The following KCNH7 variants were observed in gnomAD, a reference collection of about 807,000 sequenced individuals.
KCNH7 encodes the protein potassium voltage-gated channel subfamily H member 7.
In KCNH7, 49 loss-of-function variants were observed where a neutral mutation model predicts 120.8. That is an observed-to-expected ratio of 0.41 (90% CI 0.32 to 0.51). The LOEUF (loss-of-function observed/expected upper bound fraction) is 0.51. KCNH7 is among the 20% of genes least tolerant of loss of function. The pLI is 0.38. For missense variants in KCNH7, 1,097 were observed against 1,446.6 expected, an observed-to-expected ratio of 0.76 and a Z score of 3.92; for synonymous variants, 547 against 516.1, an observed-to-expected ratio of 1.06 and a Z score of -0.81.
chr2:162,495,937 A>T (rs564295884), intron 6 of KCNH7, among the ~76,000 whole-genome samples: 63 of 152,326 alleles, frequency 4.1e-4, no homozygotes, highest in African/African-American at 1.4e-3. Flanking sequence ...GCCACCAGTT[A>T]TCTGGGCATG....
chr2:162,611,154 G>A (rs1172460079), intron 2 of KCNH7, among the ~76,000 whole-genome samples: 2 of 152,114 alleles, frequency 1.3e-5, no homozygotes, highest in African/African-American at 4.8e-5. Flanking sequence ...AGAGCCAGGG[G>A]GCCCACCGTG....
intron 2 of KCNH7, among the ~76,000 whole-genome samples, chr2:162,571,608 A>C (rs1693477889): frequency 1.3e-5 from 2 of 149,278 alleles, no homozygotes; most frequent in Admixed American, 6.7e-5. Context: ...AGCCAAAAGA[A>C]CAAAGCTGGA....
In KCNH7 at chr2:162,381,356, T is replaced by C. The variant is rs75234768; in HGVS notation, c.2963-1335A>G. 3.8e-3 allele frequency among the ~76,000 whole-genome samples: 580 copies of C among 152,214 alleles called. 19 individuals are homozygous for C. In the East Asian group the frequency reaches 0.1, roughly 26 times the overall value. On this transcript the variant is annotated intron_variant, in intron 13 of 15. Transcript: ENST00000332142. ...GCAGGATTAGCTATGATTTTAGAAA[T>C]AGGAAACAACACCATTGGACTCCTC...
chr2:162,707,286 G>C (rs1338530887), intron 2 of KCNH7, among the ~76,000 whole-genome samples: 2 of 151,896 alleles, frequency 1.3e-5, no homozygotes, highest in Non-Finnish European at 2.9e-5. Flanking sequence ...TTAATAAAAG[G>C]TAAAAAGAAC....
intron 2 of KCNH7, among the ~76,000 whole-genome samples, chr2:162,676,690 C>T (rs1487400851): frequency 6.6e-6 from 1 of 151,420 alleles, no homozygotes; most frequent in African/African-American, 2.4e-5. Flanking sequence ...CTAAATGGTG[C>T]AAACAGAAGT....
intron 8 of KCNH7, among the ~76,000 whole-genome samples, chr2:162,430,634 A>G (rs1258241055): frequency 1.3e-5 from 2 of 151,978 alleles, no homozygotes; most frequent in Non-Finnish European, 2.9e-5. Flanking sequence ...TTAATTTTCC[A>G]GTGCCTGAAA....
rs536585757 is a variant in KCNH7 at position 162,628,681 on chromosome 2, A to C, written c.308-91601T>G. Among the ~76,000 whole-genome samples, 3 of 152,046 alleles carry C rather than the reference A, an allele frequency of 2.0e-5. No homozygotes were observed. In the East Asian group the frequency reaches 5.8e-4, roughly 30 times the overall value. On this transcript the variant is annotated intron_variant, in intron 2 of 15. Transcript: ENST00000332142. The stretch of plus-strand genomic sequence containing the variant: ...ATCATTTAGCTCCCACTTATACGTA[A>C]GAACATGCAGTATTTGTTTTTTTTG...
At chr2:162,572,812 CCG>C (rs1345207026) in intron 2 of KCNH7, among the ~76,000 whole-genome samples, 25 of 150,162 alleles carry the variant, frequency 1.7e-4, no homozygotes, top group African/African-American at 5.7e-4. Context: ...AAACCAAACA[CCG>C]CATATTCTCA....
intron 6 of KCNH7, among the ~76,000 whole-genome samples, chr2:162,494,357 C>G (rs889399721): frequency 1.3e-5 from 2 of 152,068 alleles, no homozygotes; most frequent in Non-Finnish European, 2.9e-5. Flanking sequence ...CAAAATCAAA[C>G]TTCAGTTTCA....
At chr2:162,782,081 G>T (rs1574382824) in intron 2 of KCNH7, among the ~76,000 whole-genome samples, 1 of 152,270 alleles carries the variant, frequency 6.6e-6, no homozygotes, top group East Asian at 1.9e-4. Flanking sequence ...TAGATCAAAT[G>T]ATTTTGTAAC....
chr2:162,567,564 A>G (rs996286482), intron 2 of KCNH7, among the ~76,000 whole-genome samples: 8 of 152,140 alleles, frequency 5.3e-5, no homozygotes, highest in African/African-American at 1.9e-4. Context: ...ATGGCAGGAA[A>G]TGATATAAAA....
intron 2 of KCNH7, among the ~76,000 whole-genome samples, chr2:162,541,095 T>G (rs1413189770): frequency 6.6e-6 from 1 of 152,128 alleles, no homozygotes; most frequent in Non-Finnish European, 1.5e-5. Flanking sequence ...TGGGATTGTG[T>G]AAATCCACAT....
rs200442592 is a variant in KCNH7 at position 162,533,870 on chromosome 2, CT to C, written c.463+3054del. ...TGTAGCTTGATATTCTGTAATATCA[CT>C]TTTTTTTCATATTCACATGACATAC... is the stretch of plus-strand genomic sequence containing the variant. On this transcript the variant is annotated intron_variant, in intron 3 of 15. Coordinates refer to ENST00000332142, the MANE Select transcript of KCNH7 (RefSeq NM_033272.4). 4.4e-3 allele frequency among the ~76,000 whole-genome samples: 665 copies of C among 151,304 alleles called. 8 individuals carry two copies. Among genetic ancestry groups the C allele is most frequent in the African/African-American group, 0.013 (545 of 41,400 alleles).
chr2:162,788,204 G>A (rs960052584), intron 2 of KCNH7, among the ~76,000 whole-genome samples: 3 of 152,138 alleles, frequency 2.0e-5, no homozygotes, highest in African/African-American at 7.2e-5. Context: ...ATTTATGATG[G>A]TTGACTTATG....
At chr2:162,410,312 TAACA>T (rs1687348028) in intron 9 of KCNH7, among the ~76,000 whole-genome samples, 1 of 151,906 alleles carries the variant, frequency 6.6e-6, no homozygotes, top group Admixed American at 6.6e-5. Context: ...AAGCTGACAA[TAACA>T]AACAATGAAG....
intron 6 of KCNH7, among the ~76,000 whole-genome samples, chr2:162,483,472 T>C (rs992425333): frequency 6.6e-6 from 1 of 152,106 alleles, no homozygotes; most frequent in East Asian, 1.9e-4. Flanking sequence ...ATTGGCAACA[T>C]TTAGAAATCC....
At chr2:162,404,506 C>T (rs1382649282) in intron 9 of KCNH7, among the ~76,000 whole-genome samples, 1 of 151,876 alleles carries the variant, frequency 6.6e-6, no homozygotes, top group Non-Finnish European at 1.5e-5. Flanking sequence ...GTTGATTCCC[C>T]ATGGTTTGGT....
At chr2:162,464,894 G>A (rs1689259618) in intron 6 of KCNH7, among the ~76,000 whole-genome samples, 1 of 151,980 alleles carries the variant, frequency 6.6e-6, no homozygotes, top group South Asian at 2.1e-4. Context: ...AACCCTTGGA[G>A]TTCAAAGTTT....
At chr2:162,410,625 G>A (rs1388265673) in intron 9 of KCNH7, among the ~76,000 whole-genome samples, 3 of 151,998 alleles carry the variant, frequency 2.0e-5, no homozygotes, top group African/African-American at 7.2e-5. Context: ...AAGAGATTCT[G>A]CACAGCAAAA....
Sources: allele counts gnomAD v4.1 joint callset (sites outside exome capture counted in the v4.1 genomes callset), GRCh38; gene constraint gnomAD v4.1.1; transcripts MANE v1.5; gene names NCBI Gene and HGNC (gene_info 2026-07-23, HGNC 2026-07-21).